Variants in COX7B2 observed in about 807,000 individuals in gnomAD.
COX7B2 encodes cytochrome c oxidase subunit 7B2, also known as cytochrome c oxidase subunit 7B2, mitochondrial.
For synonymous variants in COX7B2, 37 were observed against 32.1 expected (o/e 1.15, Z -0.51); for missense variants, 109 against 95.9 (o/e 1.14, Z -0.57).
At chr4:46,823,269 G>A (rs1255800398) in intron 2 of COX7B2, among the ~76,000 whole-genome samples, 1 of 151,570 alleles carries the variant, frequency 6.6e-6, no homozygotes, top group Non-Finnish European at 1.5e-5. Flanking sequence ...TCTGTAGGTA[G>A]AATTTTATAT....
chr4:46,810,156 G>A (rs899645575), intron 2 of COX7B2, among the ~76,000 whole-genome samples: 2 of 151,896 alleles, frequency 1.3e-5, no homozygotes, highest in African/African-American at 4.8e-5. Flanking sequence ...CTTTCAGGCA[G>A]CATATAGTTG....
intron 1 of COX7B2, among the ~76,000 whole-genome samples, chr4:46,864,400 G>T (rs1717519705): frequency 6.6e-6 from 1 of 152,118 alleles, no homozygotes; most frequent in Admixed American, 6.6e-5. Context: ...GCCAACAACT[G>T]AAGGGAGGCA....
intron 2 of COX7B2, among the ~76,000 whole-genome samples, chr4:46,801,757 G>A (rs1199628420): frequency 6.6e-6 from 1 of 152,000 alleles, no homozygotes; most frequent in African/African-American, 2.4e-5. Flanking sequence ...ACAGAAACAG[G>A]AGCAAAAAGA....
intron 2 of COX7B2, among the ~76,000 whole-genome samples, chr4:46,801,805 T>C (rs1415206965): frequency 6.6e-6 from 1 of 152,162 alleles, no homozygotes; most frequent in African/African-American, 2.4e-5. Flanking sequence ...TTAATATTTG[T>C]CCTAATCATT....
intron 2 of COX7B2, among the ~76,000 whole-genome samples, chr4:46,751,576 A>T (rs567770097): frequency 6.6e-6 from 1 of 152,276 alleles, no homozygotes; most frequent in Admixed American, 6.5e-5. Flanking sequence ...AAATCAGTTT[A>T]GTGTGAGAGC....
At position 46,785,783 on chromosome 4, in the gene COX7B2, C is replaced by T. The variant is rs377370522; in HGVS notation, c.-49-50542G>A. Among the ~76,000 whole-genome samples, 13 of 152,070 alleles carry T rather than the reference C, an allele frequency of 8.5e-5. No individual in the cohort carries two copies. The East Asian group carries it at 2.5e-3, about 29-fold the overall frequency. On this transcript the variant is annotated intron_variant, in intron 2 of 2. Coordinates refer to ENST00000355591, the MANE Select transcript of COX7B2 (RefSeq NM_130902.3). ...CCACATGAATAGAGAAGGGGAGCAA[C>T]CCATGGGTGAGCAATCTGTTACTAT...
At chr4:46,848,595 C>A (rs1577652807) in intron 1 of COX7B2, among the ~76,000 whole-genome samples, 1 of 152,156 alleles carries the variant, frequency 6.6e-6, no homozygotes, top group East Asian at 1.9e-4. Context: ...TTCCTCTATT[C>A]ATTCACTCAA....
intron 2 of COX7B2, among the ~76,000 whole-genome samples, chr4:46,810,412 T>C (rs1159558011): frequency 2.0e-5 from 3 of 152,074 alleles, no homozygotes; most frequent in Non-Finnish European, 4.4e-5. Context: ...AACTTTTGTT[T>C]CTTTTATCTT....
chr4:46,829,948 A>G (rs928440781), intron 2 of COX7B2, among the ~76,000 whole-genome samples: 3 of 152,232 alleles, frequency 2.0e-5, no homozygotes, highest in Non-Finnish European at 4.4e-5. Context: ...ATGTGAAGAA[A>G]TAATTAAACG....
At chr4:46,785,235 G>A (rs1276711716) in intron 2 of COX7B2, among the ~76,000 whole-genome samples, 1 of 152,104 alleles carries the variant, frequency 6.6e-6, no homozygotes, top group Non-Finnish European at 1.5e-5. Flanking sequence ...ATGAGAACCT[G>A]TTGAAGAAAG....
chr4:46,871,786 C>A (rs1006291585), intron 1 of COX7B2, among the ~76,000 whole-genome samples: 6 of 151,904 alleles, frequency 3.9e-5, no homozygotes, highest in African/African-American at 1.5e-4. Flanking sequence ...TGAGATACTT[C>A]CTTCCACCAG....
chr4:46,838,172 A>G (rs1715663221), intron 2 of COX7B2, among the ~76,000 whole-genome samples: 1 of 152,030 alleles, frequency 6.6e-6, no homozygotes, highest in Non-Finnish European at 1.5e-5. Flanking sequence ...TAAAAGGTAT[A>G]TAGGTTACAT....
At chr4:46,827,179 A>AT (rs1271220098) in intron 2 of COX7B2, among the ~76,000 whole-genome samples, 2 of 152,072 alleles carry the variant, frequency 1.3e-5, no homozygotes, top group Non-Finnish European at 2.9e-5. Context: ...AGAAAAAAAT[A>AT]TTTGCAGAAA....
chr4:46,741,504 T>TA (rs887265284), intron 2 of COX7B2, among the ~76,000 whole-genome samples: 1 of 151,962 alleles, frequency 6.6e-6, no homozygotes, highest in African/African-American at 2.4e-5. Flanking sequence ...GAAAGGTGTA[T>TA]CCTCCCCTAT....
intron 1 of COX7B2, among the ~76,000 whole-genome samples, chr4:46,855,793 A>G (rs1168665252): frequency 1.3e-5 from 2 of 152,186 alleles, no homozygotes; most frequent in Non-Finnish European, 2.9e-5. Flanking sequence ...TTAAGTATTT[A>G]AATACATGAA....
chr4:46,875,855 T>A (rs1294762420), intron 1 of COX7B2, among the ~76,000 whole-genome samples: 1 of 151,932 alleles, frequency 6.6e-6, no homozygotes, highest in Non-Finnish European at 1.5e-5. Flanking sequence ...TGTTATAAAT[T>A]CTATTAATTC....
chr4:46,778,507 T>C (rs888516533), intron 2 of COX7B2, among the ~76,000 whole-genome samples: 8 of 152,134 alleles, frequency 5.3e-5, no homozygotes, highest in African/African-American at 1.9e-4. Flanking sequence ...AGATGTTCAC[T>C]GACTAGTAGA....
chr4:46,817,748 G>A (rs776850860), intron 2 of COX7B2, among the ~76,000 whole-genome samples: 1 of 152,166 alleles, frequency 6.6e-6, no homozygotes, highest in Non-Finnish European at 1.5e-5. Flanking sequence ...GCCAGGAGGT[G>A]AGGATAAAAC....
intron 1 of COX7B2, among the ~76,000 whole-genome samples, chr4:46,878,222 G>A (rs375188310): frequency 2.0e-5 from 3 of 151,960 alleles, no homozygotes; most frequent in African/African-American, 4.8e-5. Flanking sequence ...AGAAACAGTA[G>A]AACAGTGGTT....
Sources: allele counts gnomAD v4.1 joint callset (sites outside exome capture counted in the v4.1 genomes callset), GRCh38; gene constraint gnomAD v4.1.1; transcripts MANE v1.5; gene names NCBI Gene and HGNC (gene_info 2026-07-23, HGNC 2026-07-21).